Variants in MMP16 observed in about 807,000 individuals in gnomAD.
MMP16 encodes the protein matrix metalloproteinase-16.
MMP16 carries 12 observed loss-of-function variants against 67.8 expected under a neutral mutation model. That is an observed-to-expected ratio of 0.18 (90% CI 0.11 to 0.29). The LOEUF is 0.29. MMP16 is among the 10% of genes least tolerant of loss of function. The pLI, the probability that MMP16 is intolerant of heterozygous loss-of-function variation, is 1.00. For synonymous variants in MMP16, 249 were observed against 255.9 expected (o/e 0.97, Z 0.26); for missense variants, 475 against 765.7 (o/e 0.62, Z 4.48).
chr8:88,174,406 G>A (rs1808851644), intron 3 of MMP16, among the ~76,000 whole-genome samples: 1 of 152,048 alleles, frequency 6.6e-6, no homozygotes, highest in South Asian at 2.1e-4. Context: ...TACTCAATAA[G>A]CTTCTATCAC....
At chr8:88,092,726 T>C (rs1808958655) in intron 6 of MMP16, among the ~76,000 whole-genome samples, 1 of 151,944 alleles carries the variant, frequency 6.6e-6, no homozygotes, top group African/African-American at 2.4e-5. Context: ...AAAGGCATTT[T>C]TAAATTAAAA....
At chr8:88,106,557 A>T (rs895638536) in intron 6 of MMP16, among the ~76,000 whole-genome samples, 4 of 151,234 alleles carry the variant, frequency 2.6e-5, no homozygotes, top group African/African-American at 9.7e-5. Flanking sequence ...CATTTTTCTG[A>T]AAGGTAGTAA....
At chr8:88,309,177 T>C (rs551320576) in intron 1 of MMP16, among the ~76,000 whole-genome samples, 26 of 152,180 alleles carry the variant, frequency 1.7e-4, no homozygotes, top group Admixed American at 1.6e-3. Flanking sequence ...TCACATGTAC[T>C]TAGATAAGTA....
intron 1 of MMP16, among the ~76,000 whole-genome samples, chr8:88,272,938 C>A (rs1810588574): frequency 6.7e-6 from 1 of 149,788 alleles, no homozygotes; most frequent in African/African-American, 2.5e-5. Context: ...TTAGCCAAAT[C>A]AAAGGAAAGA....
intron 1 of MMP16, among the ~76,000 whole-genome samples, chr8:88,244,088 G>A (rs1810074194): frequency 6.6e-6 from 1 of 151,646 alleles, no homozygotes; most frequent in Non-Finnish European, 1.5e-5. Flanking sequence ...GAATTAAGCT[G>A]ACGTGTTTCC....
intron 7 of MMP16, among the ~76,000 whole-genome samples, chr8:88,062,691 A>G (rs983905135): frequency 1.1e-4 from 16 of 152,082 alleles, no homozygotes; most frequent in Non-Finnish European, 1.6e-4. Flanking sequence ...TAGCATTAGG[A>G]GATATACCTA....
At chr8:88,294,099 C>T (rs946055979) in intron 1 of MMP16, among the ~76,000 whole-genome samples, 4 of 151,624 alleles carry the variant, frequency 2.6e-5, no homozygotes, top group East Asian at 1.9e-4. Flanking sequence ...TATAAAGATG[C>T]CTTATAAATT....
At position 88,149,331 on chromosome 8, in the gene MMP16, G is replaced by T. The variant is rs371950482; in HGVS notation, c.709+18338C>A. ...GCTTGCTTAGGTAAACAAAGCAGCC[G>T]GGAACCTCGAACTGGGTGGAGCCCA... On this transcript the variant is annotated intron_variant, in intron 4 of 9. Coordinates refer to ENST00000286614, the MANE Select transcript of MMP16 (RefSeq NM_005941.5). 9.1e-3 allele frequency among the ~76,000 whole-genome samples: 1,389 copies of T among 152,182 alleles called. 19 individuals are homozygous for T. The highest frequency in any genetic ancestry group is 0.031 in the African/African-American group (1,307 of 41,534).
Position 88,155,378 on chromosome 8 carries a change from A to T in MMP16, c.709+12291T>A, listed in dbSNP as rs528411056. 1.6e-4 allele frequency among the ~76,000 whole-genome samples: 24 copies of T among 152,140 alleles called. No homozygotes were observed. In the East Asian group the frequency reaches 2.1e-3, roughly 13 times the overall value. On this transcript the variant is annotated intron_variant, in intron 4 of 9. Coordinates refer to ENST00000286614, the MANE Select transcript of MMP16 (RefSeq NM_005941.5). ...AGTTTTATTTTTTAGTCCTTTGGGA[A>T]TAATTTTTTTTCCTGCATAGTGATA... is the stretch of plus-strand genomic sequence containing the variant.
At chr8:88,103,470 A>G (rs924878874) in intron 6 of MMP16, among the ~76,000 whole-genome samples, 2 of 151,872 alleles carry the variant, frequency 1.3e-5, no homozygotes, top group South Asian at 4.1e-4. Context: ...AAGCTTCCTG[A>G]GAGTAAGGAA....
chr8:88,295,828 C>T (rs1321495128), intron 1 of MMP16, among the ~76,000 whole-genome samples: 3 of 152,122 alleles, frequency 2.0e-5, no homozygotes, highest in South Asian at 2.1e-4. Context: ...GTAGGTAATA[C>T]GTTGCTTTAC....
At chr8:88,145,972 CA>C (rs1336006836) in intron 4 of MMP16, among the ~76,000 whole-genome samples, 2 of 151,968 alleles carry the variant, frequency 1.3e-5, no homozygotes, top group Non-Finnish European at 2.9e-5. Context: ...TTATCTGTTC[CA>C]AAACACCAAT....
chr8:88,205,410 A>C (rs1220033514), intron 1 of MMP16, among the ~76,000 whole-genome samples: 1 of 152,128 alleles, frequency 6.6e-6, no homozygotes, highest in Non-Finnish European at 1.5e-5. Flanking sequence ...AAGAATGTTC[A>C]GTTTTTATGC....
chr8:88,290,281 G>C (rs1031615049), intron 1 of MMP16, among the ~76,000 whole-genome samples: 1 of 152,056 alleles, frequency 6.6e-6, no homozygotes, highest in Non-Finnish European at 1.5e-5. Flanking sequence ...GGCCAGGCAC[G>C]GTGGCTCACG....
intron 1 of MMP16, among the ~76,000 whole-genome samples, chr8:88,301,714 AC>A (rs1230438960): frequency 1.3e-5 from 2 of 152,166 alleles, no homozygotes; most frequent in African/African-American, 4.8e-5. Context: ...CTACATAAAC[AC>A]CTTTGCTATT....
At chr8:88,277,785 T>A (rs556867303) in intron 1 of MMP16, among the ~76,000 whole-genome samples, 7 of 152,304 alleles carry the variant, frequency 4.6e-5, no homozygotes, top group Admixed American at 1.3e-4. Flanking sequence ...GCACACTTAC[T>A]TTTCATCTAT....
At chr8:88,151,523 A>G (rs1808407425) in intron 4 of MMP16, among the ~76,000 whole-genome samples, 1 of 146,994 alleles carries the variant, frequency 6.8e-6, no homozygotes, top group Non-Finnish European at 1.5e-5. Context: ...CTCTCAGACC[A>G]CAGTGCAATC....
chr8:88,241,310 CTA>C lies in MMP16; in HGVS notation c.133-44006_133-44005del, dbSNP rs1385924831. Among the ~76,000 whole-genome samples the C allele has an allele frequency of 3.3e-5, 5 of 152,036 alleles. No individual in the cohort carries two copies. The East Asian group carries it at 9.6e-4, about 29-fold the overall frequency. On this transcript the variant is annotated intron_variant, in intron 1 of 9. Coordinates refer to ENST00000286614, the MANE Select transcript of MMP16 (RefSeq NM_005941.5). ...CATGCTTTGAAATTTTTAAATACCT[CTA>C]TGTCGCTTTTCTTACCATATTTCTT...
intron 1 of MMP16, among the ~76,000 whole-genome samples, chr8:88,303,204 G>C (rs908933943): frequency 6.6e-6 from 1 of 152,178 alleles, no homozygotes. Flanking sequence ...TGAATCCAGG[G>C]AGCCAGGCAG....
Sources: gnomAD v4.1 joint callset for allele counts (sites outside exome capture counted in the v4.1 genomes callset) on GRCh38, gnomAD v4.1.1 for gene constraint, MANE v1.5 for transcripts, NCBI Gene and HGNC (gene_info 2026-07-23, HGNC 2026-07-21) for gene names.